The following ATG16L1 variants were observed in gnomAD, a reference collection of about 807,000 sequenced individuals.
ATG16L1 encodes the protein autophagy-related protein 16-1.
ATG16L1 carries 37 observed loss-of-function variants against 88.5 expected under a neutral mutation model. The observed-to-expected ratio is 0.42, with a 90% CI of 0.32 to 0.55. ATG16L1 has a LOEUF of 0.55. ATG16L1 is among the 20% of genes least tolerant of loss of function. The pLI is 0.13. For synonymous variants in ATG16L1, 301 were observed against 281.0 expected (o/e 1.07, Z -0.71); for missense variants, 554 against 752.8 (o/e 0.74, Z 3.09).
At position 233,274,224 on chromosome 2, in the gene ATG16L1, T is replaced by A. The variant is rs1295051287; in HGVS notation, c.851+447T>A. 8.4e-6 allele frequency: 5 copies of A among 597,680 alleles called. No homozygotes were observed. In the South Asian group the frequency reaches 1.2e-4, roughly 14 times the overall value. 37.0% of individuals were successfully genotyped at this position (597,680 alleles called of 1,614,324 possible). Reference sequence around the variant, plus strand: ...CCAGGTTGAACACTTTGTACAGTACTCATGCTCTTGTTGCTTTCTTTTGGC... The same window carrying A: ...CCAGGTTGAACACTTTGTACAGTACACATGCTCTTGTTGCTTTCTTTTGGC... On this transcript the variant is annotated intron_variant, in intron 8 of 17. Transcript: ENST00000392017.
At chr2:233,260,670 G>T (rs904313697) in intron 2 of ATG16L1, among the ~76,000 whole-genome samples, 1 of 152,118 alleles carries the variant, frequency 6.6e-6, no homozygotes, top group Non-Finnish European at 1.5e-5. Context: ...GGAGGCTTTG[G>T]GTCATGGAAA....
chr2:233,264,798 C>G (rs1255496041), intron 4 of ATG16L1, 94 bp from the exon 5 acceptor site: 1 of 1,508,028 alleles, frequency 6.6e-7, no homozygotes, highest in Non-Finnish European at 9.0e-7. Context: ...GATGTTGTAA[C>G]AGACACAAAG....
chr2:233,279,659 A>G (rs1251347346), intron 10 of ATG16L1, among the ~76,000 whole-genome samples: 2 of 152,188 alleles, frequency 1.3e-5, no homozygotes, highest in Non-Finnish European at 2.9e-5. Flanking sequence ...CAGAAGAATC[A>G]CACTTTCTAC....
chr2:233,260,165 TTAAA>T (rs905046228), intron 2 of ATG16L1, among the ~76,000 whole-genome samples: 2 of 152,240 alleles, frequency 1.3e-5, no homozygotes. Flanking sequence ...CACACTGTGC[TTAAA>T]TAGTGATCTG....
intron 9 of ATG16L1, chr2:233,276,092 A>G (rs984994675): frequency 5.0e-6 from 2 of 401,520 alleles, no homozygotes; most frequent in African/African-American, 4.2e-5. Context: ...GCAGTGGGTC[A>G]CAAGAGGGAG....
intron 6 of ATG16L1, 52 bp downstream of exon 6, chr2:233,270,119 T>C (rs777159600): frequency 6.6e-7 from 1 of 1,513,868 alleles, no homozygotes; most frequent in Non-Finnish European, 8.8e-7. Context: ...TTGGCTCTCT[T>C]AAAAGTTTTG....
intron 12 of ATG16L1, among the ~76,000 whole-genome samples, chr2:233,289,095 C>A (rs947074838): frequency 1.3e-5 from 2 of 152,122 alleles, no homozygotes; most frequent in Non-Finnish European, 2.9e-5. Flanking sequence ...TTTAAAAATT[C>A]TTTAATTTGA....
At chr2:233,283,333 T>C (rs962301300) in intron 12 of ATG16L1, among the ~76,000 whole-genome samples, 8 of 152,044 alleles carry the variant, frequency 5.3e-5, no homozygotes, top group Non-Finnish European at 1.2e-4. Flanking sequence ...GGGCGAAGCA[T>C]GTAACTTAAT....
rs1337102524 is a variant in ATG16L1 at position 233,294,668 on chromosome 2, C to A, written c.*318C>A. On this transcript the variant is annotated 3_prime_UTR_variant, in exon 18 of 18. Transcript: ENST00000392017. ...GGGAGCACAGGGCCCCGCTGGGCCT[C>A]CTCACCAACGGCAGTGCCAAAATCA... 1 of 206,958 alleles carries A rather than the reference C, an allele frequency of 4.8e-6. No individual in the cohort carries two copies. Among genetic ancestry groups the A allele is most frequent in the Non-Finnish European group, 9.7e-6 (1 of 103,006 alleles). 12.8% of individuals were successfully genotyped at this position (206,958 alleles called of 1,614,324 possible).
intron 3 of ATG16L1, 124 bp downstream of exon 3, chr2:233,263,359 C>T (rs1445118177): frequency 5.0e-6 from 4 of 797,482 alleles, no homozygotes; most frequent in African/African-American, 1.7e-5. Context: ...CATCAAAAGT[C>T]CCCTCCATAG....
chr2:233,288,542 A>G (rs1699234122), intron 12 of ATG16L1: 1 of 278,940 alleles, frequency 3.6e-6, no homozygotes, highest in Admixed American at 4.7e-5. Context: ...TTGGCTTCCC[A>G]AAGTGCTAGG....
chr2:233,273,090 G>C, intron 7 of ATG16L1, 38 bp downstream of exon 7: 1 of 1,538,166 alleles, frequency 6.5e-7, no homozygotes, highest in Non-Finnish European at 9.0e-7. Context: ...AAGACAGCTT[G>C]AGGAGCAATA....
chr2:233,273,125 A>G, intron 7 of ATG16L1, 73 bp downstream of exon 7: 1 of 1,306,880 alleles, frequency 7.7e-7, no homozygotes, highest in Non-Finnish European at 1.1e-6. Flanking sequence ...TGGACATGAC[A>G]AAGAATGCAG....
At chr2:233,282,130 A>G (rs1698757252) in intron 11 of ATG16L1, among the ~76,000 whole-genome samples, 1 of 152,158 alleles carries the variant, frequency 6.6e-6, no homozygotes, top group African/African-American at 2.4e-5. Context: ...GATTTTTAGA[A>G]ATGGGTATGG....
At chr2:233,270,771 G>GGT (rs563881723) in intron 6 of ATG16L1, among the ~76,000 whole-genome samples, 16 of 152,322 alleles carry the variant, frequency 1.1e-4, no homozygotes, top group African/African-American at 3.8e-4. Context: ...TACAAGTTAA[G>GGT]GTGGGGTATC....
rs1699715786 is a variant in ATG16L1 at position 233,295,039 on chromosome 2, A to G, written c.*689A>G. 6.6e-6 allele frequency: 1 copy of G among 152,406 alleles called. No individual in the cohort carries two copies. Among genetic ancestry groups the G allele is most frequent in the African/African-American group, 2.4e-5 (1 of 41,428 alleles). The allele number at this position is 152,406 out of a possible 1,614,324, so 9.4% of individuals were successfully genotyped here. On this transcript the variant is annotated 3_prime_UTR_variant, in exon 18 of 18. Transcript: ENST00000392017. ...GAGAGGATGTGTGAAAATCTTTTCC[A>G]GGGAAATGGGTTCGCTGCAGAGGTA...
intron 2 of ATG16L1, among the ~76,000 whole-genome samples, chr2:233,257,889 C>A (rs1696905879): frequency 1.3e-5 from 2 of 151,814 alleles, no homozygotes. Flanking sequence ...CCTGTAATCC[C>A]AGCTACCCGG....
At chr2:233,262,819 C>G (rs1697310538) in intron 2 of ATG16L1, among the ~76,000 whole-genome samples, 1 of 152,216 alleles carries the variant, frequency 6.6e-6, no homozygotes, top group African/African-American at 2.4e-5. Flanking sequence ...CATCGGCACT[C>G]AGGTCCTTGC....
intron 12 of ATG16L1, among the ~76,000 whole-genome samples, chr2:233,288,335 G>T (rs1181071511): frequency 6.6e-6 from 1 of 152,206 alleles, no homozygotes; most frequent in East Asian, 1.9e-4. Context: ...GGTTTGGAGT[G>T]CAGTGGCATG....
Sources: allele counts gnomAD v4.1 joint callset (sites outside exome capture counted in the v4.1 genomes callset), GRCh38; gene constraint gnomAD v4.1.1; transcripts MANE v1.5; gene names NCBI Gene and HGNC (gene_info 2026-07-23, HGNC 2026-07-21).